Variants in GHR observed in about 807,000 individuals in gnomAD.
The protein encoded by GHR is growth hormone receptor, also known as GH receptor.
Under a neutral mutation model 67.1 loss-of-function variants are expected in GHR, and 35 were observed. That is an observed-to-expected ratio of 0.52 (90% CI 0.40 to 0.69). The LOEUF (loss-of-function observed/expected upper bound fraction) is 0.69, where lower values mean the gene tolerates loss of function less well. Ranked by LOEUF, GHR falls within the 30% of genes least tolerant of loss-of-function variation. The probability of loss-of-function intolerance (pLI) is 0.00; values close to 1 mark genes in which losing one functional copy is unlikely to be tolerated. For synonymous variants in GHR, 272 were observed against 269.1 expected (o/e 1.01, Z -0.10); for missense variants, 792 against 764.6 (o/e 1.04, Z -0.42).
chr5:42,551,321 G>A (rs1285344603), intron 1 of GHR, among the ~76,000 whole-genome samples: 2 of 152,202 alleles, frequency 1.3e-5, no homozygotes, highest in African/African-American at 2.4e-5. Context: ...TAGGCACAGA[G>A]GAGTTAACAG....
chr5:42,652,026 A>C (rs1275195109), intron 3 of GHR, among the ~76,000 whole-genome samples: 1 of 152,198 alleles, frequency 6.6e-6, no homozygotes, highest in Non-Finnish European at 1.5e-5. Context: ...TTTCAAATTC[A>C]ACATCATAAG....
intron 1 of GHR, among the ~76,000 whole-genome samples, chr5:42,511,773 G>A (rs149248128): frequency 6.6e-6 from 1 of 152,204 alleles, no homozygotes; most frequent in Non-Finnish European, 1.5e-5. Context: ...ATGCATCAGA[G>A]TTTCATGCTG....
At chr5:42,576,099 TAAATAAAATAAAATAAAATAAAATA>T (rs1554021413) in intron 2 of GHR, among the ~76,000 whole-genome samples, 1 of 69,236 alleles carries the variant, frequency 1.4e-5, no homozygotes, top group East Asian at 4.9e-4. Flanking sequence ...TAAAATAAAA[TAAATAAAATAAAATAAAATAAAATA>T]AAATAAAATA....
At chr5:42,454,854 T>C (rs1318282686) in intron 1 of GHR, among the ~76,000 whole-genome samples, 2 of 152,102 alleles carry the variant, frequency 1.3e-5, no homozygotes, top group Non-Finnish European at 2.9e-5. Flanking sequence ...GTTCCTGTGC[T>C]CATATCTGCT....
chr5:42,620,256 TA>T (rs1426670705), intron 2 of GHR, among the ~76,000 whole-genome samples: 1 of 149,062 alleles, frequency 6.7e-6, no homozygotes, highest in Non-Finnish European at 1.5e-5. Context: ...AAATATATGG[TA>T]AATTCAAAGT....
intron 3 of GHR, among the ~76,000 whole-genome samples, chr5:42,677,327 C>CT (rs1044902893): frequency 6.6e-6 from 1 of 152,168 alleles, no homozygotes; most frequent in African/African-American, 2.4e-5. Flanking sequence ...TCCACAAATC[C>CT]TTTGAGAGCC....
At chr5:42,524,803 G>A (rs1747636441) in intron 1 of GHR, among the ~76,000 whole-genome samples, 1 of 152,208 alleles carries the variant, frequency 6.6e-6, no homozygotes, top group South Asian at 2.1e-4. Flanking sequence ...TGCTCCAGCT[G>A]TGGCTGAAAA....
chr5:42,492,341 A>C (rs960036685), intron 1 of GHR, among the ~76,000 whole-genome samples: 4 of 152,342 alleles, frequency 2.6e-5, no homozygotes, highest in Non-Finnish European at 5.9e-5. Flanking sequence ...TGGTATAAAT[A>C]AAAATTAAAG....
At chr5:42,495,159 A>T (rs894040793) in intron 1 of GHR, among the ~76,000 whole-genome samples, 2 of 151,870 alleles carry the variant, frequency 1.3e-5, no homozygotes, top group African/African-American at 4.8e-5. Flanking sequence ...TCTTTCTTAT[A>T]AGTAAGCAAG....
chr5:42,590,919 T>C (rs1751740818), intron 2 of GHR, among the ~76,000 whole-genome samples: 1 of 152,238 alleles, frequency 6.6e-6, no homozygotes, highest in Non-Finnish European at 1.5e-5. Context: ...ATTTTCCTGA[T>C]GCAAGCCTAG....
chr5:42,705,718 C>A (rs1758143906), intron 6 of GHR, among the ~76,000 whole-genome samples: 1 of 152,152 alleles, frequency 6.6e-6, no homozygotes, highest in Non-Finnish European at 1.5e-5. Context: ...ATCCATGTGA[C>A]TGCAGAGGAC....
At chr5:42,624,477 T>C (rs1349064473) in intron 2 of GHR, among the ~76,000 whole-genome samples, 1 of 152,202 alleles carries the variant, frequency 6.6e-6, no homozygotes, top group Non-Finnish European at 1.5e-5. Context: ...TTATGTGCTA[T>C]CCCATGATTA....
chr5:42,521,785 A>G (rs1181351171), intron 1 of GHR, among the ~76,000 whole-genome samples: 3 of 152,222 alleles, frequency 2.0e-5, no homozygotes, highest in South Asian at 2.1e-4. Context: ...AGTTCTAGTT[A>G]TATAAAATGT....
At chr5:42,485,604 T>G (rs1251614388) in intron 1 of GHR, among the ~76,000 whole-genome samples, 1 of 152,226 alleles carries the variant, frequency 6.6e-6, no homozygotes, top group Non-Finnish European at 1.5e-5. Flanking sequence ...TGTGTTGCCT[T>G]CTCTAGTCTT....
intron 2 of GHR, among the ~76,000 whole-genome samples, chr5:42,610,700 G>T (rs1374659262): frequency 6.6e-6 from 1 of 152,122 alleles, no homozygotes; most frequent in Non-Finnish European, 1.5e-5. Flanking sequence ...TGAGAAAAGG[G>T]AAAGAGAGAA....
At chr5:42,501,602 G>A (rs1286308669) in intron 1 of GHR, among the ~76,000 whole-genome samples, 1 of 152,104 alleles carries the variant, frequency 6.6e-6, no homozygotes, top group Non-Finnish European at 1.5e-5. Flanking sequence ...ATTTTAGGAT[G>A]TTTAGCAGCA....
At chr5:42,546,496 G>A (rs1387878355) in intron 1 of GHR, among the ~76,000 whole-genome samples, 2 of 152,156 alleles carry the variant, frequency 1.3e-5, no homozygotes, top group Non-Finnish European at 2.9e-5. Flanking sequence ...CTGCTTGCCA[G>A]AACATAGTCA....
At chr5:42,609,434 G>C (rs1580050143) in intron 2 of GHR, among the ~76,000 whole-genome samples, 1 of 152,098 alleles carries the variant, frequency 6.6e-6, no homozygotes, top group Admixed American at 6.6e-5. Context: ...TTATATGAAT[G>C]ATCATTTTTC....
chr5:42,708,079 T>C (rs1758267219), intron 6 of GHR, among the ~76,000 whole-genome samples: 1 of 152,148 alleles, frequency 6.6e-6, no homozygotes, highest in Non-Finnish European at 1.5e-5. Flanking sequence ...GATAGGTCTG[T>C]TGGTGAGGAA....
Sources: gnomAD v4.1 joint callset for allele counts (sites outside exome capture counted in the v4.1 genomes callset) on GRCh38, gnomAD v4.1.1 for gene constraint, MANE v1.5 for transcripts, NCBI Gene and HGNC (gene_info 2026-07-23, HGNC 2026-07-21) for gene names.